YKT6: variants seen among roughly 807,000 people sequenced by gnomAD.
The protein encoded by YKT6 is YKT6 vesicular SNARE protein.
In YKT6, 12 loss-of-function variants were observed where a neutral mutation model predicts 29.3. The observed-to-expected ratio is 0.41, with a 90% confidence interval of 0.26 to 0.66. YKT6 has a LOEUF of 0.66. YKT6 is among the 30% of genes least tolerant of loss of function. YKT6 has a pLI of 0.32. For synonymous variants in YKT6, 86 were observed against 94.3 expected, an observed-to-expected ratio of 0.91 and a Z score of 0.51; for missense variants, 188 against 243.8, an observed-to-expected ratio of 0.77 and a Z score of 1.52.
chr7:44,211,907 G>A (rs1178225301), intron 6 of YKT6, among the ~76,000 whole-genome samples: 2 of 152,346 alleles, frequency 1.3e-5, no homozygotes, highest in Non-Finnish European at 2.9e-5. Flanking sequence ...GTGGGGCAAA[G>A]TTAAGATATT....
intron 6 of YKT6, among the ~76,000 whole-genome samples, chr7:44,211,384 TG>T (rs2128840850): frequency 6.6e-6 from 1 of 152,364 alleles, no homozygotes; most frequent in Admixed American, 6.5e-5. Flanking sequence ...CTGCTCTGGC[TG>T]ATTTCTGAAC....
At position 44,204,649 on chromosome 7, in the gene YKT6, A is replaced by C. The variant is rs2096339073; in HGVS notation, c.186A>C (p.Gln62His). The C allele has an allele frequency of 6.2e-7, 1 of 1,614,074 alleles. No homozygotes were observed. Among genetic ancestry groups the C allele is most frequent in the Non-Finnish European group, 8.5e-7 (1 of 1,180,030 alleles). Residue 62 changes from glutamine to histidine, a missense_variant and splice_region_variant, in exon 2 of 7, where the codon CAA (glutamine) becomes CAC (histidine). Gln to His is a conservative substitution (Grantham distance 24, BLOSUM62 0). Coordinates refer to ENST00000223369, the MANE Select transcript of YKT6 (RefSeq NM_006555.4). ...GCACTAGAGCTTCTGTCAAAGAACA[A>C]GGTAAGAAGACCCTCCAACTTCTGT... ...SKGTRASVKE[Q>H]DYLCHVYVRN...
At position 44,204,612 on chromosome 7, in the gene YKT6, G is replaced by A. The variant is rs368134203; in HGVS notation, c.149G>A (p.Arg50His). 6.9e-5 allele frequency: 111 copies of A among 1,614,050 alleles called. No homozygotes were observed. The highest frequency in any genetic ancestry group is 1.6e-4 in the Middle Eastern group (1 of 6,084). The change falls in exon 2 of 7, where the codon CGC becomes CAC. Residue 50 changes from arginine (R) to histidine (H), a missense_variant. Coordinates refer to ENST00000223369, the MANE Select transcript of YKT6 (RefSeq NM_006555.4). ...MTFTSQLIVERSSKGTRASVK... is the reference protein window; with the variant it reads ...MTFTSQLIVEHSSKGTRASVK... ...TTCACGAGTCAACTGATTGTGGAGC[G>A]CTCATCGAAAGGCACTAGAGCTTCT...
intron 5 of YKT6, 84 bp downstream of exon 5, chr7:44,208,282 G>A (rs2096343059): frequency 2.7e-6 from 4 of 1,455,626 alleles, no homozygotes; most frequent in African/African-American, 1.4e-5. Flanking sequence ...ATCCATCCTC[G>A]TTTTAATATA....
chr7:44,211,209 A>C, intron 6 of YKT6, 85 bp downstream of exon 6: 1 of 1,214,948 alleles, frequency 8.2e-7, no homozygotes, highest in Non-Finnish European at 1.2e-6. Flanking sequence ...TCCACTATGA[A>C]CGGGTCTTTC....
intron 3 of YKT6, 92 bp downstream of exon 3, chr7:44,206,577 A>G: frequency 1.8e-6 from 2 of 1,139,606 alleles, no homozygotes; most frequent in Non-Finnish European, 2.6e-6. Context: ...CTGAGACATA[A>G]GGGATGAAAT....
At chr7:44,202,779 C>T (rs1313583975) in intron 1 of YKT6, among the ~76,000 whole-genome samples, 1 of 152,082 alleles carries the variant, frequency 6.6e-6, no homozygotes, top group Non-Finnish European at 1.5e-5. Context: ...TGGTATTTAC[C>T]CAGAAGCGGA....
intron 4 of YKT6, among the ~76,000 whole-genome samples, chr7:44,207,725 T>C (rs1562743154): frequency 6.6e-6 from 1 of 151,882 alleles, no homozygotes; most frequent in Non-Finnish European, 1.5e-5. Flanking sequence ...GTGGGTTTTT[T>C]TTTTTGTTTT....
rs139946209 is a variant in YKT6 at position 44,203,805 on chromosome 7, A to T, written c.105-763A>T. ...ATGGCTCTGCTGGAGCCTGCTGCAG[A>T]CTCCCATTTGAGCACCCTGCTTTGA... On this transcript the variant is annotated intron_variant, in intron 1 of 6. Coordinates refer to ENST00000223369, the MANE Select transcript of YKT6 (RefSeq NM_006555.4). Among the ~76,000 whole-genome samples the T allele has an allele frequency of 1.2e-3, 187 of 151,926 alleles. 2 individuals carry two copies. Among genetic ancestry groups the T allele is most frequent in the African/African-American group, 4.3e-3 (178 of 41,406 alleles).
At chr7:44,207,606 TG>T in intron 4 of YKT6, 114 bp downstream of exon 4, 1 of 849,936 alleles carries the variant, frequency 1.2e-6, no homozygotes, top group South Asian at 1.6e-5. Flanking sequence ...CTTCTGATGC[TG>T]GTGTCCTCTC....
chr7:44,204,047 C>T (rs1418851715), intron 1 of YKT6, among the ~76,000 whole-genome samples: 1 of 152,176 alleles, frequency 6.6e-6, no homozygotes, highest in Non-Finnish European at 1.5e-5. Context: ...GAGTGTCTTG[C>T]GCTCGTTCTG....
In YKT6 at chr7:44,212,459, A is replaced by G; in HGVS notation, c.*177A>G. On this transcript the variant is annotated 3_prime_UTR_variant, in exon 7 of 7. Transcript: ENST00000223369. Reference sequence around the variant, plus strand: ...GGAAGGGTGGCGAATGTTCAAATTCATATGTGTGGTAGTGATTCTTGGAAA... The same window carrying G: ...GGAAGGGTGGCGAATGTTCAAATTCGTATGTGTGGTAGTGATTCTTGGAAA... 2.6e-6 allele frequency: 2 copies of G among 766,600 alleles called. No individual in the cohort carries two copies. Among genetic ancestry groups the G allele is most frequent in the Non-Finnish European group, 2.1e-6 (1 of 479,362 alleles). The allele number at this position is 766,600 out of a possible 1,614,324, so 47.5% of individuals were successfully genotyped here. A position where few individuals can be genotyped will look rare whatever the true frequency, so the allele number is the denominator to read the frequency against.
intron 6 of YKT6, chr7:44,211,442 G>T (rs1359359790): frequency 1.3e-6 from 1 of 766,368 alleles, no homozygotes; most frequent in East Asian, 7.1e-5. Flanking sequence ...GATCACCAGA[G>T]ATTTACTGTT....
chr7:44,201,567 T>A (rs1231670227), intron 1 of YKT6, among the ~76,000 whole-genome samples: 1 of 152,248 alleles, frequency 6.6e-6, no homozygotes, highest in Non-Finnish European at 1.5e-5. Flanking sequence ...ACTCAGTGTT[T>A]TTCAAATTTC....
chr7:44,203,688 C>T (rs746334804), intron 1 of YKT6, among the ~76,000 whole-genome samples: 7 of 152,150 alleles, frequency 4.6e-5, no homozygotes, highest in Non-Finnish European at 7.3e-5. Flanking sequence ...GTGCTTTACA[C>T]GTATTACCTC....
chr7:44,207,569 T>C (rs1186127969), intron 4 of YKT6, 77 bp downstream of exon 4: 2 of 1,279,692 alleles, frequency 1.6e-6, no homozygotes, highest in Non-Finnish European at 1.1e-6. Flanking sequence ...ACTGCCCTGA[T>C]AGTTCTGGTC....
intron 4 of YKT6, 98 bp from the exon 5 acceptor site, chr7:44,208,035 T>C: frequency 7.4e-7 from 1 of 1,349,258 alleles, no homozygotes; most frequent in Non-Finnish European, 1.0e-6. Flanking sequence ...AGGCTGTGGT[T>C]TTTAACCTGT....
chr7:44,211,272 G>A, intron 6 of YKT6, 148 bp downstream of exon 6: 1 of 818,034 alleles, frequency 1.2e-6, no homozygotes, highest in South Asian at 1.8e-5. Context: ...AGCCTAAGGT[G>A]AGCGCCTCAG....
In YKT6 at chr7:44,208,241, G is replaced by A. The variant is rs777943243; in HGVS notation, c.459+43G>A. The stretch of plus-strand genomic sequence containing the variant: ...GAGCAAGCCCAAGAACTGAGGCGGG[G>A]GTGCGATTTCCACTGGCCAGGCATG... On this transcript the variant is annotated intron_variant, in intron 5 of 6. Coordinates refer to ENST00000223369, the MANE Select transcript of YKT6 (RefSeq NM_006555.4). The A allele has an allele frequency of 8.7e-6, 14 of 1,606,306 alleles. No homozygotes were observed. In the South Asian group the frequency reaches 1.2e-4, roughly 14 times the overall value.
Sources: allele counts gnomAD v4.1 joint callset (sites outside exome capture counted in the v4.1 genomes callset), GRCh38; gene constraint gnomAD v4.1.1; transcripts MANE v1.5; gene names NCBI Gene and HGNC (gene_info 2026-07-23, HGNC 2026-07-21).